Variants in CROCC observed in about 807,000 individuals in gnomAD.
CROCC encodes the protein rootletin.
CROCC carries 180 observed loss-of-function variants against 245.2 expected under a neutral mutation model. That is an observed-to-expected ratio of 0.73 (90% confidence interval 0.65 to 0.83). CROCC has a LOEUF of 0.83. CROCC is among the 40% of genes least tolerant of loss of function. CROCC has a pLI of 0.00. For synonymous variants in CROCC, 1,205 were observed against 1,241.6 expected (o/e 0.97, Z 0.62); for missense variants, 2,688 against 2,779.4 (o/e 0.97, Z 0.74).
chr1:16,944,190 G>A lies in CROCC; in HGVS notation c.1899G>A (p.Gln633=), dbSNP rs775264447. The change falls in exon 14 of 37, where the codon CAG becomes CAA. Residue 633 remains glutamine, a synonymous_variant. Transcript: ENST00000375541. ...RQEREKLQAA[Q]EELRRQRDRL... ...AGCGGGAGAAGCTGCAGGCTGCCCAGGAGGAGCTGCGGCGCCAGCGGGACC... is the reference window on the plus strand; with the variant it reads ...AGCGGGAGAAGCTGCAGGCTGCCCAAGAGGAGCTGCGGCGCCAGCGGGACC... 7.7e-6 allele frequency: 12 copies of A among 1,555,662 alleles called. No homozygotes were observed. The African/African-American group carries it at 1.6e-4, about 21-fold the overall frequency.
In CROCC at chr1:16,945,517, G is replaced by C. The variant is rs556662128; in HGVS notation, c.2047G>C (p.Val683Leu). ...GCGCTCAGTCCTGGCCAAGGAGCTGGTGGAGGTGAGGGAGGCGCTGAGCCG... is the reference window on the plus strand; with the variant it reads ...GCGCTCAGTCCTGGCCAAGGAGCTGCTGGAGGTGAGGGAGGCGCTGAGCCG... ...GKRSVLAKEL[V>L]EVREALSRAT... is the part of the protein sequence containing the mutation. The change falls in exon 15 of 37, where the codon GTG becomes CTG. Residue 683 changes from valine (V) to leucine (L), a missense_variant. Coordinates refer to ENST00000375541, the MANE Select transcript of CROCC (RefSeq NM_014675.5). The C allele has an allele frequency of 6.2e-7, 1 of 1,611,704 alleles. No homozygotes were observed. The highest frequency in any genetic ancestry group is 8.5e-7 in the Non-Finnish European group (1 of 1,179,730).
At chr1:16,946,586 T>C (rs1368689317) in intron 16 of CROCC, among the ~76,000 whole-genome samples, 175 bp from the exon 17 acceptor site, 1 of 152,272 alleles carries the variant, frequency 6.6e-6, no homozygotes, top group South Asian at 2.1e-4. Flanking sequence ...AGCACAGAAG[T>C]TCCATGGGCC....
At chr1:16,941,731 CAAAAAAA>C (rs35924979) in intron 13 of CROCC, among the ~76,000 whole-genome samples, 2 of 132,418 alleles carry the variant, frequency 1.5e-5, no homozygotes, top group Non-Finnish European at 3.3e-5. Context: ...GACTCCGTCT[CAAAAAAA>C]AAAAAAAAAG....
At chr1:16,925,843 A>C (rs1466974988) in intron 3 of CROCC, among the ~76,000 whole-genome samples, 2 of 152,218 alleles carry the variant, frequency 1.3e-5, no homozygotes, top group Non-Finnish European at 2.9e-5. Flanking sequence ...TCGTTTCCCC[A>C]GGGTCTGCAG....
Position 16,938,488 on chromosome 1 carries a change from G to C in CROCC, c.1374+5G>C, listed in dbSNP as rs755780895. Reference sequence around the variant, plus strand: ...ACCCTAAGGGACCTGGCACAGGTGTGAGCCCAGAGAGGCGGGAAGACAGCG... The same window carrying C: ...ACCCTAAGGGACCTGGCACAGGTGTCAGCCCAGAGAGGCGGGAAGACAGCG... On this transcript the variant is annotated splice_donor_5th_base_variant and intron_variant, in intron 11 of 36. Transcript: ENST00000375541. 6.4e-7 allele frequency: 1 copy of C among 1,566,376 alleles called. No homozygotes were observed. Among genetic ancestry groups the C allele is most frequent in the Non-Finnish European group, 8.6e-7 (1 of 1,156,092 alleles).
At chr1:16,937,054 C>T (rs1275416783) in intron 9 of CROCC, among the ~76,000 whole-genome samples, 181 bp downstream of exon 9, 1 of 152,280 alleles carries the variant, frequency 6.6e-6, no homozygotes, top group African/African-American at 2.4e-5. Flanking sequence ...ACAGCTTAGC[C>T]TCCTATGGCA....
In CROCC at chr1:16,955,481, G is replaced by A. The variant is rs747192312; in HGVS notation, c.3635G>A (p.Arg1212His). ...RRSLGEGAKE[R>H]EALRRSNEEL... ...AGCCTGGGCGAGGGTGCCAAGGAGC[G>A]CGAGGCCCTGCGGCGTTCCAATGAG... is the stretch of plus-strand genomic sequence containing the variant. The change falls in exon 24 of 37, where the codon CGC becomes CAC. Residue 1212 changes from arginine to histidine, a missense_variant. Physicochemically the swap from Arg to His is conservative, Grantham distance 29 (BLOSUM62 0). This residue lies in a region of CROCC where 1,218 missense variants were observed against 1,286.3 expected (regional missense o/e 0.95). Coordinates refer to ENST00000375541, the MANE Select transcript of CROCC (RefSeq NM_014675.5). The A allele has an allele frequency of 4.2e-5, 67 of 1,583,130 alleles. No homozygotes were observed. Among genetic ancestry groups the A allele is most frequent in the Non-Finnish European group, 5.5e-5 (64 of 1,168,416 alleles).
Position 16,970,275 on chromosome 1 carries a change from G to A in CROCC, c.5474G>A (p.Gly1825Asp), listed in dbSNP as rs1274562909. 1.3e-6 allele frequency: 2 copies of A among 1,564,054 alleles called. No individual in the cohort carries two copies. Among genetic ancestry groups the A allele is most frequent in the Non-Finnish European group, 1.7e-6 (2 of 1,152,230 alleles). The stretch of plus-strand genomic sequence containing the variant: ...CAGGTGCTGCGGCAGCGGCAGGAGG[G>A]TGAGGCTGCAGCCCTGAACACCGTC... ...LREVLRQRQE[G>D]EAAALNTVQK... Residue 1825 changes from glycine to aspartate, a missense_variant, in exon 34 of 37, where the codon GGT becomes GAT. Physicochemically the swap from Gly to Asp is moderately conservative, Grantham distance 94. Transcript: ENST00000375541.
At position 16,954,355 on chromosome 1, in the gene CROCC, C is replaced by T. The variant is rs775638406; in HGVS notation, c.3319C>T (p.Arg1107Trp). Residue 1107 changes from arginine to tryptophan, a missense_variant and splice_region_variant, in exon 22 of 37, where the codon CGG (arginine) becomes TGG (tryptophan). Physicochemically the swap from Arg to Trp is moderately radical, Grantham distance 101. Around this residue, in one of 9 missense-constraint regions of CROCC, gnomAD observed 32 missense variants for 54.1 expected, o/e 0.59. Coordinates refer to ENST00000375541, the MANE Select transcript of CROCC (RefSeq NM_014675.5). This position sits in a 1 kb window ranked among gnomAD's most constrained non-coding sequence, Gnocchi z 4.4. ...TGCCCAGAGCCGGCAGGAGCAGGAC[C>T]GGGTAGGGCAGGCTGGGCAGCTGGG... The part of the protein sequence containing the change: ...RDAQSRQEQD[R>W]STVNALTSEL... 3.1e-6 allele frequency: 5 copies of T among 1,609,982 alleles called. No homozygotes were observed. Among genetic ancestry groups the T allele is most frequent in the South Asian group, 1.1e-5 (1 of 90,832 alleles).
At chr1:16,972,271 C>T (rs1455192210) in intron 36 of CROCC, 89 bp from the exon 37 acceptor site, 1 of 984,112 alleles carries the variant, frequency 1.0e-6, no homozygotes, top group Admixed American at 1.7e-5. Context: ...GAAACTGTGG[C>T]ACTGTGTCCC....
chr1:16,921,028 G>A (rs1241180980), upstream of CROCC, among the ~76,000 whole-genome samples: 1 of 152,294 alleles, frequency 6.6e-6, no homozygotes, highest in African/African-American at 2.4e-5. Flanking sequence ...ACAGGCATGA[G>A]TGCCTGCGCC....
In CROCC at chr1:16,965,851, C is replaced by A. The variant is rs144701609; in HGVS notation, c.4534C>A (p.Arg1512=). Residue 1512 remains arginine, a synonymous_variant, in exon 28 of 37, where the codon CGG becomes AGG. Coordinates refer to ENST00000375541, the MANE Select transcript of CROCC (RefSeq NM_014675.5). ...CCCGGAGGCAGTGCGCGGGGCCCTCCGGGAATTCCTGCAAGAGCTGCGGAG... is the reference window on the plus strand; with the variant it reads ...CCCGGAGGCAGTGCGCGGGGCCCTCAGGGAATTCCTGCAAGAGCTGCGGAG... ...LDPEAVRGAL[R]EFLQELRSAQ... 6.2e-7 allele frequency: 1 copy of A among 1,613,612 alleles called. No individual in the cohort carries two copies.
At chr1:16,958,851 G>C (rs1031625389) in intron 26 of CROCC, 101 bp downstream of exon 26, 2 of 1,331,964 alleles carry the variant, frequency 1.5e-6, no homozygotes, top group African/African-American at 3.0e-5. Context: ...CACTCCCTAG[G>C]GCTTGCTCCT....
chr1:16,943,102 C>A (rs1220391637), intron 13 of CROCC, among the ~76,000 whole-genome samples: 1 of 152,214 alleles, frequency 6.6e-6, no homozygotes, highest in African/African-American at 2.4e-5. Flanking sequence ...ATTAGCCATC[C>A]GTGGTGGCAC....
At chr1:16,932,554 A>G (rs114418071) in intron 8 of CROCC, among the ~76,000 whole-genome samples, 5,325 of 151,166 alleles carry the variant, frequency 0.035, no homozygotes, top group Middle Eastern at 0.058. Context: ...GAGGTCAGAA[A>G]AACCACTTTG....
intron 23 of CROCC, 125 bp from the exon 24 acceptor site, chr1:16,955,187 G>A (rs1446310713): frequency 2.2e-6 from 2 of 900,712 alleles, no homozygotes; most frequent in Non-Finnish European, 3.4e-6. Context: ...ATAACTCACA[G>A]CCTGCGGTCT....
intron 8 of CROCC, among the ~76,000 whole-genome samples, chr1:16,932,447 G>A (rs529174100): frequency 0.014 from 2,064 of 151,448 alleles, no homozygotes; most frequent in African/African-American, 0.049. Flanking sequence ...TCCAAAAAAA[G>A]TAAAATAAAA....
chr1:16,934,510 C>T (rs1010942453), intron 8 of CROCC, among the ~76,000 whole-genome samples: 1 of 152,242 alleles, frequency 6.6e-6, no homozygotes, highest in Non-Finnish European at 1.5e-5. Flanking sequence ...GCCATGTTGC[C>T]CAGGCTGGTC....
Position 16,924,472 on chromosome 1 carries a change from G to T in CROCC, c.344G>T (p.Ser115Ile). The T allele has an allele frequency of 6.2e-7, 1 of 1,611,778 alleles. No individual in the cohort carries two copies. Among genetic ancestry groups the T allele is most frequent in the Non-Finnish European group, 8.5e-7 (1 of 1,178,504 alleles). ...DELAIKYNAVSERLEQALRLE... is the reference protein window; with the variant it reads ...DELAIKYNAVIERLEQALRLE... ...CTCGCCATTAAGTACAATGCGGTCA[G>T]CGAGAGGGTGGGTGCCGCCCAGGTG... is the stretch of plus-strand genomic sequence containing the variant. The change falls in exon 3 of 37, where the codon AGC becomes ATC. Residue 115 changes from serine to isoleucine, a missense_variant. By Grantham distance (142) the Ser-to-Ile change is moderately radical. Around this residue, in one of 9 missense-constraint regions of CROCC, gnomAD observed 972 missense variants for 895.3 expected, o/e 1.09. Transcript: ENST00000375541.
Sources: allele counts gnomAD v4.1 joint callset (sites outside exome capture counted in the v4.1 genomes callset), GRCh38; gene constraint gnomAD v4.1.1; regional missense constraint gnomAD v4.1.1; non-coding constraint Gnocchi (gnomAD v3.1); transcripts MANE v1.5; gene names NCBI Gene and HGNC (gene_info 2026-07-23, HGNC 2026-07-21).